The following GPHN variants were observed in gnomAD, a reference collection of about 807,000 sequenced individuals.
GPHN encodes the protein gephyrin.
Under a neutral mutation model 95.5 loss-of-function variants are expected in GPHN, and 17 were observed. The observed-to-expected ratio is 0.18, with a 90% CI of 0.12 to 0.27. The LOEUF is 0.27. GPHN is among the 10% of genes least tolerant of loss of function. The pLI, the probability that GPHN is intolerant of heterozygous loss-of-function variation, is 1.00. For synonymous variants in GPHN, 320 were observed against 322.5 expected, an observed-to-expected ratio of 0.99 and a Z score of 0.08; for missense variants, 660 against 978.1, an observed-to-expected ratio of 0.67 and a Z score of 4.34.
chr14:67,620,871 T>G, the GPHN span: 4 of 1,613,658 alleles, frequency 2.5e-6, no homozygotes, highest in Non-Finnish European at 2.5e-6. Flanking sequence ...TACCTCTAAT[T>G]GTGTAATTTG....
At chr14:67,128,465 G>A (rs1452143501) in intron 17 of GPHN, among the ~76,000 whole-genome samples, 1 of 152,114 alleles carries the variant, frequency 6.6e-6, no homozygotes, top group Non-Finnish European at 1.5e-5. Flanking sequence ...TTTGAAAAAA[G>A]CAAGTTGCAG....
At chr14:67,575,157 C>T in the GPHN span, among the ~76,000 whole-genome samples, 1 of 152,048 alleles carries the variant, frequency 6.6e-6, no homozygotes, top group Non-Finnish European at 1.5e-5. Context: ...ATTGGCCTGG[C>T]TAATCGTTTC....
the GPHN span, among the ~76,000 whole-genome samples, chr14:67,226,914 G>A: frequency 6.6e-5 from 10 of 152,058 alleles, no homozygotes; most frequent in Non-Finnish European, 1.3e-4. Context: ...ACACGTGCTG[G>A]CTCCTACATC....
chr14:67,301,174 G>A, the GPHN span, among the ~76,000 whole-genome samples: 1 of 152,024 alleles, frequency 6.6e-6, no homozygotes, highest in Non-Finnish European at 1.5e-5. Flanking sequence ...ATAGGCGTAA[G>A]TACCAAAATA....
At chr14:66,510,356 T>A (rs557580966) in intron 1 of GPHN, among the ~76,000 whole-genome samples, 1 of 152,360 alleles carries the variant, frequency 6.6e-6, no homozygotes, top group East Asian at 1.9e-4. Context: ...GAAACATTTT[T>A]AAAATGAACA....
chr14:67,566,568 A>G, the GPHN span, among the ~76,000 whole-genome samples: 4 of 152,122 alleles, frequency 2.6e-5, no homozygotes, highest in Non-Finnish European at 5.9e-5. Context: ...AACACGGCGA[A>G]ACCCCATGTC....
chr14:67,493,691 G>C, the GPHN span, among the ~76,000 whole-genome samples: 1 of 152,096 alleles, frequency 6.6e-6, no homozygotes, highest in Non-Finnish European at 1.5e-5. Context: ...ACATTCCCCT[G>C]GTTCTGTGAT....
chr14:67,160,705 G>A (rs1203361736), intron 19 of GPHN, among the ~76,000 whole-genome samples: 1 of 152,240 alleles, frequency 6.6e-6, no homozygotes, highest in Admixed American at 6.5e-5. Flanking sequence ...TGAACCCTAG[G>A]AGAGAATGGA....
At chr14:66,710,125 T>A (rs980173706) in intron 2 of GPHN, among the ~76,000 whole-genome samples, 1 of 152,210 alleles carries the variant, frequency 6.6e-6, no homozygotes, top group Non-Finnish European at 1.5e-5. Context: ...TTTATACAAC[T>A]GTAAATGCTT....
chr14:67,198,968 C>T, the GPHN span: 4 of 702,996 alleles, frequency 5.7e-6, no homozygotes, highest in East Asian at 2.7e-5. Context: ...TTAATACATT[C>T]GAGAAGCTGC....
At chr14:66,860,803 A>G (rs2062993196) in intron 4 of GPHN, among the ~76,000 whole-genome samples, 1 of 152,080 alleles carries the variant, frequency 6.6e-6, no homozygotes, top group South Asian at 2.1e-4. Flanking sequence ...TATGCAATCA[A>G]TGTTGTCATC....
At chr14:67,563,438 G>C in the GPHN span, among the ~76,000 whole-genome samples, 1 of 151,480 alleles carries the variant, frequency 6.6e-6, no homozygotes, top group Non-Finnish European at 1.5e-5. Flanking sequence ...TTTTTTTGGG[G>C]GGTGGGGGTG....
chr14:66,585,234 AT>A (rs1454150376), intron 1 of GPHN, among the ~76,000 whole-genome samples: 1 of 152,094 alleles, frequency 6.6e-6, no homozygotes, highest in Non-Finnish European at 1.5e-5. Context: ...CGGTGATGAT[AT>A]CCCCTTTGTT....
the GPHN span, chr14:67,685,290 G>A: frequency 5.5e-6 from 6 of 1,089,516 alleles, no homozygotes; most frequent in Non-Finnish European, 8.0e-6. Context: ...AAATAAGCAT[G>A]TGACCTTCAC....
chr14:66,630,295 G>A (rs2063739945), intron 1 of GPHN, among the ~76,000 whole-genome samples: 1 of 152,118 alleles, frequency 6.6e-6, no homozygotes, highest in South Asian at 2.1e-4. Flanking sequence ...TAGAAGAAAG[G>A]CAGGTAATGT....
At chr14:67,662,337 T>C in the GPHN span, 1 of 742,930 alleles carries the variant, frequency 1.3e-6, no homozygotes, top group Non-Finnish European at 2.2e-6. Flanking sequence ...ACCATCCCCA[T>C]CAACTGGCTT....
chr14:67,260,649 A>C, the GPHN span, among the ~76,000 whole-genome samples: 5 of 152,210 alleles, frequency 3.3e-5, no homozygotes, highest in African/African-American at 1.2e-4. Flanking sequence ...AAAGTTGAAG[A>C]GAGGATTTTT....
intron 3 of GPHN, among the ~76,000 whole-genome samples, chr14:66,800,116 A>G (rs149577238): frequency 6.6e-6 from 1 of 152,062 alleles, no homozygotes; most frequent in African/African-American, 2.4e-5. Flanking sequence ...TTATCCCTCC[A>G]CTGTTTAACT....
intron 10 of GPHN, among the ~76,000 whole-genome samples, chr14:67,042,551 T>G (rs2074765546): frequency 6.6e-6 from 1 of 152,190 alleles, no homozygotes; most frequent in African/African-American, 2.4e-5. Flanking sequence ...ATGTGTGGTG[T>G]TATTTCTCAG....
Sources: gnomAD v4.1 joint callset for allele counts (sites outside exome capture counted in the v4.1 genomes callset) on GRCh38, gnomAD v4.1.1 for gene constraint, MANE v1.5 for transcripts, NCBI Gene and HGNC (gene_info 2026-07-23, HGNC 2026-07-21) for gene names.